Variants in MRTFB observed in about 807,000 individuals in gnomAD.
MRTFB encodes myocardin-related transcription factor B.
In MRTFB, 29 loss-of-function variants were observed where a neutral mutation model predicts 104.2. The ratio of observed to expected loss-of-function variants is 0.28; its 90% CI spans 0.21 to 0.38. The LOEUF is 0.38. MRTFB is among the 10% of genes least tolerant of loss of function. The pLI is 1.00. For missense variants in MRTFB, 1,270 were observed against 1,341.6 expected (o/e 0.95, Z 0.83); for synonymous variants, 535 against 519.5 (o/e 1.03, Z -0.41).
chr16:14,190,504 ATAATTC>A (rs368737963), intron 3 of MRTFB, among the ~76,000 whole-genome samples: 2 of 152,244 alleles, frequency 1.3e-5, no homozygotes, highest in African/African-American at 4.8e-5. Flanking sequence ...TAAATGAATC[ATAATTC>A]TAATGCTACT....
chr16:14,073,783 C>T (rs771830430), intron 1 of MRTFB, among the ~76,000 whole-genome samples: 1 of 152,176 alleles, frequency 6.6e-6, no homozygotes. Context: ...TTACTAATAT[C>T]TATATTAGAG....
intron 11 of MRTFB, among the ~76,000 whole-genome samples, chr16:14,246,102 G>T (rs2043001893): frequency 1.3e-5 from 2 of 152,330 alleles, no homozygotes; most frequent in East Asian, 3.9e-4. Flanking sequence ...GAAGAATAAT[G>T]ATACGGACAC....
intron 3 of MRTFB, among the ~76,000 whole-genome samples, chr16:14,168,111 C>A (rs187331618): frequency 1.3e-5 from 2 of 152,076 alleles, no homozygotes; most frequent in African/African-American, 2.4e-5. Flanking sequence ...TCATTGTTTG[C>A]TTTTTATCAG....
intron 16 of MRTFB, among the ~76,000 whole-genome samples, chr16:14,258,761 T>C (rs1253424567): frequency 1.3e-5 from 2 of 152,242 alleles, no homozygotes; most frequent in African/African-American, 4.8e-5. Flanking sequence ...CCAGTATCTT[T>C]ATTAAAATTC....
the MRTFB span, among the ~76,000 whole-genome samples, chr16:14,017,615 A>G: frequency 3.7e-5 from 3 of 81,966 alleles, no homozygotes; most frequent in African/African-American, 1.5e-4. Flanking sequence ...ATATATATAT[A>G]TATATATATA....
At chr16:14,141,388 T>G (rs953272570) in intron 3 of MRTFB, 1 of 152,236 alleles carries the variant, frequency 6.6e-6, no homozygotes, top group African/African-American at 2.4e-5. Context: ...CAAATAGAGA[T>G]AGATGACATA....
chr16:14,258,685 T>G (rs2043623512), intron 16 of MRTFB, among the ~76,000 whole-genome samples: 1 of 152,234 alleles, frequency 6.6e-6, no homozygotes, highest in Admixed American at 6.5e-5. Flanking sequence ...CGTATGTCAT[T>G]GTAATGGGAT....
At chr16:14,133,996 T>G (rs902319343) in intron 2 of MRTFB, among the ~76,000 whole-genome samples, 5 of 152,116 alleles carry the variant, frequency 3.3e-5, no homozygotes, top group Admixed American at 6.5e-5. Context: ...TTTGAAACTT[T>G]TGCTAGTTCA....
chr16:14,086,719 A>G (rs1421100992), intron 2 of MRTFB, among the ~76,000 whole-genome samples: 3 of 152,320 alleles, frequency 2.0e-5, no homozygotes, highest in South Asian at 4.1e-4. Context: ...ATTTAATTGC[A>G]TGCTTTAAAG....
chr16:14,247,365 C>T lies in MRTFB; in HGVS notation c.2105C>T (p.Ser702Phe), dbSNP rs759142642. Residue 702 changes from serine to phenylalanine, a missense_variant, in exon 12 of 17, where the codon TCC becomes TTC. Ser to Phe is a radical substitution (Grantham distance 155). Transcript: ENST00000571589. ...QSVVSQFYVS[S>F]QGQPPPAVVA... ...GTCGTCTCGCAGTTTTATGTGAGTT[C>T]CCAGGGACAGCCACCGCCTGCTGTT... The T allele has an allele frequency of 6.2e-7, 1 of 1,614,084 alleles. No individual in the cohort carries two copies. Among genetic ancestry groups the T allele is most frequent in the Non-Finnish European group, 8.5e-7 (1 of 1,180,032 alleles).
chr16:14,124,170 A>T (rs1172179965), intron 2 of MRTFB, among the ~76,000 whole-genome samples: 1 of 152,190 alleles, frequency 6.6e-6, no homozygotes, highest in African/African-American at 2.4e-5. Flanking sequence ...TCGGGCTGAG[A>T]TGATGGGGTT....
rs916269949 is a variant in MRTFB, at chr16:14,106,526, G to T, written c.-64+27172G>T. Among the ~76,000 whole-genome samples the T allele has an allele frequency of 2.0e-5, 3 of 152,206 alleles. No individual in the cohort carries two copies. The East Asian group carries it at 5.8e-4, about 29-fold the overall frequency. ...ACGCCACTTGACTGTAACTATGTGA[G>T]TGAGTTATTTAGCCTCTCCAAACCT... On this transcript the variant is annotated intron_variant, in intron 2 of 16. Coordinates refer to ENST00000571589, the MANE Select transcript of MRTFB (RefSeq NM_001308142.2).
At chr16:14,144,438 C>A (rs2038185909) in intron 3 of MRTFB, 1 of 151,998 alleles carries the variant, frequency 6.6e-6, no homozygotes, top group African/African-American at 2.4e-5. Flanking sequence ...TCAAAGGATA[C>A]AAATTTCAGT....
the MRTFB span, among the ~76,000 whole-genome samples, chr16:14,061,421 C>T: frequency 1.3e-5 from 2 of 152,144 alleles, no homozygotes; most frequent in Non-Finnish European, 1.5e-5. Flanking sequence ...CATTGGTGAA[C>T]AGCACAGATA....
chr16:14,130,987 A>G (rs573133777), intron 2 of MRTFB, among the ~76,000 whole-genome samples: 1 of 152,144 alleles, frequency 6.6e-6, no homozygotes, highest in African/African-American at 2.4e-5. Flanking sequence ...CCCATGACAC[A>G]TGGGGATTAT....
chr16:14,200,772 T>TA, intron 3 of MRTFB: 1 of 1,470,750 alleles, frequency 6.8e-7, no homozygotes, highest in East Asian at 2.3e-5. Flanking sequence ...CTGTGGGTGA[T>TA]ACTTGCCTTC....
chr16:14,250,146 A>G (rs1358151527), intron 13 of MRTFB, among the ~76,000 whole-genome samples: 5 of 152,250 alleles, frequency 3.3e-5, no homozygotes, highest in Admixed American at 2.0e-4. Context: ...ATTAGGAATC[A>G]TTACTTCTAG....
the MRTFB span, among the ~76,000 whole-genome samples, chr16:14,004,198 G>A: frequency 1.3e-5 from 2 of 152,208 alleles, no homozygotes; most frequent in Non-Finnish European, 2.9e-5. Flanking sequence ...GTGGATGGGA[G>A]AATGGCTAGC....
At chr16:14,158,107 A>G (rs1171947202) in intron 3 of MRTFB, among the ~76,000 whole-genome samples, 5 of 152,196 alleles carry the variant, frequency 3.3e-5, no homozygotes, top group African/African-American at 4.8e-5. Flanking sequence ...AATACCTAGC[A>G]CTTCTATTTT....
Sources: gnomAD v4.1 joint callset for allele counts (sites outside exome capture counted in the v4.1 genomes callset) on GRCh38, gnomAD v4.1.1 for gene constraint, MANE v1.5 for transcripts, NCBI Gene and HGNC (gene_info 2026-07-23, HGNC 2026-07-21) for gene names.